The following PAPPA2 variants were observed in gnomAD, a reference collection of about 807,000 sequenced individuals.
PAPPA2 encodes pappalysin 2.
Under a neutral mutation model 176.4 loss-of-function variants are expected in PAPPA2, and 86 were observed. The ratio of observed to expected loss-of-function variants is 0.49; its 90% CI spans 0.41 to 0.58. The LOEUF (loss-of-function observed/expected upper bound fraction) is 0.58. PAPPA2 is among the 20% of genes least tolerant of loss of function. The pLI, the probability that PAPPA2 is intolerant of heterozygous loss-of-function variation, is 0.00. For synonymous variants in PAPPA2, 809 were observed against 852.2 expected, an observed-to-expected ratio of 0.95 and a Z score of 0.88; for missense variants, 2,073 against 2,256.9, an observed-to-expected ratio of 0.92 and a Z score of 1.65.
At chr1:176,632,699 C>T (rs1013789289) in intron 3 of PAPPA2, among the ~76,000 whole-genome samples, 1 of 152,134 alleles carries the variant, frequency 6.6e-6, no homozygotes, top group Non-Finnish European at 1.5e-5. Context: ...TTGGTAAAAA[C>T]AGGACAAATG....
intron 3 of PAPPA2, among the ~76,000 whole-genome samples, chr1:176,649,909 G>A (rs1233089600): frequency 6.6e-6 from 1 of 151,580 alleles, no homozygotes; most frequent in East Asian, 1.9e-4. Context: ...TGTCAGCTGG[G>A]CATATGTACT....
chr1:176,711,991 C>A lies in PAPPA2; in HGVS notation c.3798+10C>A, dbSNP rs571328301. On this transcript the variant is annotated intron_variant, in intron 12 of 22. Coordinates refer to ENST00000367662, the MANE Select transcript of PAPPA2 (RefSeq NM_020318.3). The stretch of plus-strand genomic sequence containing the variant: ...TGAGGTTTGGCTCAAAGTAAGTGGC[C>A]CAAATGTTTCTTTTGTGCATGTGAA... 49 of 1,604,542 alleles carry A rather than the reference C, an allele frequency of 3.1e-5. 1 individual carries two copies. In the South Asian group the frequency reaches 4.7e-4, roughly 16 times the overall value.
At chr1:176,571,360 A>G (rs977899011) in intron 2 of PAPPA2, among the ~76,000 whole-genome samples, 1 of 152,208 alleles carries the variant, frequency 6.6e-6, no homozygotes, top group Admixed American at 6.5e-5. Flanking sequence ...GCCCTTTACT[A>G]GCTGTGGGAA....
chr1:176,619,763 A>G (rs1036426846), intron 3 of PAPPA2, among the ~76,000 whole-genome samples: 1 of 152,182 alleles, frequency 6.6e-6, no homozygotes, highest in African/African-American at 2.4e-5. Context: ...GAATGAACTT[A>G]AATATATCAA....
chr1:176,548,663 C>G (rs1650769511), intron 1 of PAPPA2, among the ~76,000 whole-genome samples: 1 of 152,166 alleles, frequency 6.6e-6, no homozygotes, highest in South Asian at 2.1e-4. Flanking sequence ...AGTCGCTTGA[C>G]TCTGTGCTTT....
intron 12 of PAPPA2, among the ~76,000 whole-genome samples, chr1:176,726,878 C>G (rs1661902616): frequency 6.6e-6 from 1 of 152,116 alleles, no homozygotes; most frequent in African/African-American, 2.4e-5. Context: ...GTTGAGCAGC[C>G]TTAATGTTAG....
chr1:176,644,109 C>T (rs1180714571), intron 3 of PAPPA2, among the ~76,000 whole-genome samples: 1 of 151,782 alleles, frequency 6.6e-6, no homozygotes, highest in Non-Finnish European at 1.5e-5. Context: ...AAAAGGCAAG[C>T]AAAAATTATC....
intron 1 of PAPPA2, among the ~76,000 whole-genome samples, chr1:176,477,886 C>T (rs1479201415): frequency 6.6e-6 from 1 of 152,144 alleles, no homozygotes; most frequent in African/African-American, 2.4e-5. Flanking sequence ...ATAAGGATCC[C>T]AGACTCACCT....
chr1:176,613,186 T>C (rs928300323), intron 3 of PAPPA2, among the ~76,000 whole-genome samples: 3 of 152,208 alleles, frequency 2.0e-5, no homozygotes, highest in Admixed American at 1.3e-4. Flanking sequence ...AGAAAACTTA[T>C]GTGTCTAACT....
intron 3 of PAPPA2, among the ~76,000 whole-genome samples, chr1:176,620,934 A>G (rs1208216711): frequency 6.6e-6 from 1 of 152,196 alleles, no homozygotes; most frequent in African/African-American, 2.4e-5. Context: ...TCTATACTAA[A>G]GGTACATTCT....
rs547788097 is a variant in PAPPA2 at position 176,503,462 on chromosome 1, A to G, written c.-917+40044A>G. On this transcript the variant is annotated intron_variant, in intron 1 of 22. Transcript: ENST00000367662. ...GTAACACAACATATTTACAGATTCC[A>G]GTGATTAGGAAGTAGACATCTTTGG... is the stretch of plus-strand genomic sequence containing the variant. 2.6e-5 allele frequency among the ~76,000 whole-genome samples: 4 copies of G among 152,320 alleles called. No individual in the cohort carries two copies. The East Asian group carries it at 7.7e-4, about 29-fold the overall frequency.
rs564555891 is a variant in PAPPA2, at chr1:176,790,727, A to G, written c.4885-620A>G. ...AAGGGAGGGCTACCTACATTTCTAA[A>G]ATCTTACTTTTTGGGGTTTTGAGAG... On this transcript the variant is annotated intron_variant, in intron 18 of 22. Coordinates refer to ENST00000367662, the MANE Select transcript of PAPPA2 (RefSeq NM_020318.3). Among the ~76,000 whole-genome samples the G allele has an allele frequency of 7.9e-5, 12 of 152,290 alleles. No individual in the cohort carries two copies. In the South Asian group the frequency reaches 2.5e-3, roughly 32 times the overall value.
intron 6 of PAPPA2, among the ~76,000 whole-genome samples, chr1:176,695,290 G>A (rs554054573): frequency 6.6e-6 from 1 of 152,290 alleles, no homozygotes; most frequent in East Asian, 1.9e-4. Flanking sequence ...GTGATTTAAA[G>A]TAGGGAGCTT....
chr1:176,820,795 T>TG (rs111733336), intron 21 of PAPPA2, among the ~76,000 whole-genome samples: 389 of 146,970 alleles, frequency 2.6e-3, no homozygotes, highest in Non-Finnish European at 4.6e-3. Flanking sequence ...CTTCCAAAGC[T>TG]GGGGAAAAAA....
intron 11 of PAPPA2, among the ~76,000 whole-genome samples, chr1:176,711,573 T>A (rs1661143031): frequency 6.6e-6 from 1 of 152,154 alleles, no homozygotes; most frequent in Non-Finnish European, 1.5e-5. Flanking sequence ...ATGCCAGGAC[T>A]ATTTGTAACC....
intron 3 of PAPPA2, among the ~76,000 whole-genome samples, chr1:176,615,795 C>T (rs535633012): frequency 7.3e-4 from 111 of 152,306 alleles, no homozygotes; most frequent in African/African-American, 2.6e-3. Context: ...GTAAGCCCTA[C>T]TTTCAATGTT....
At chr1:176,616,304 A>G in intron 3 of PAPPA2, 1 of 533,942 alleles carries the variant, frequency 1.9e-6, no homozygotes. Context: ...GACTATTGGA[A>G]TCTTTGAAGC....
At chr1:176,835,965 T>G (rs1423460430) in intron 21 of PAPPA2, among the ~76,000 whole-genome samples, 6 of 152,094 alleles carry the variant, frequency 3.9e-5, no homozygotes, top group Non-Finnish European at 8.8e-5. Flanking sequence ...ATTGTTTGGA[T>G]ATGAAGCCCA....
chr1:176,728,608 A>G (rs1246881829), intron 12 of PAPPA2, among the ~76,000 whole-genome samples: 2 of 151,906 alleles, frequency 1.3e-5, no homozygotes, highest in South Asian at 2.1e-4. Flanking sequence ...TAAATTTCCC[A>G]TAATCCCAAT....
Sources: gnomAD v4.1 joint callset for allele counts (sites outside exome capture counted in the v4.1 genomes callset) on GRCh38, gnomAD v4.1.1 for gene constraint, MANE v1.5 for transcripts, NCBI Gene and HGNC (gene_info 2026-07-23, HGNC 2026-07-21) for gene names.